The following TEX36 variants were observed in gnomAD, a reference collection of about 807,000 sequenced individuals.
TEX36 encodes testis-expressed protein 36.
Under a neutral mutation model 13.6 loss-of-function variants are expected in TEX36, and 12 were observed. The observed-to-expected ratio is 0.88, with a 90% CI of 0.56 to 1.43. The LOEUF is 1.43. Among genes scored for constraint, TEX36 ranks in the 40% most tolerant of loss-of-function variants. The pLI is 0.00. For missense variants in TEX36, 224 were observed against 228.3 expected (o/e 0.98, Z 0.12); for synonymous variants, 93 against 83.0 (o/e 1.12, Z -0.65).
chr10:125,597,506 G>C (rs942513881), intron 3 of TEX36, among the ~76,000 whole-genome samples: 1 of 152,240 alleles, frequency 6.6e-6, no homozygotes, highest in Non-Finnish European at 1.5e-5. Flanking sequence ...GAAAGCAGAA[G>C]TTATGGGAAA....
intron 3 of TEX36, among the ~76,000 whole-genome samples, chr10:125,629,093 G>C (rs964068145): frequency 2.0e-5 from 3 of 152,142 alleles, no homozygotes; most frequent in African/African-American, 7.2e-5. Flanking sequence ...CGGAATTTGT[G>C]CAGGGCAAAT....
At chr10:125,615,234 A>G (rs1846341327) in intron 3 of TEX36, among the ~76,000 whole-genome samples, 1 of 151,956 alleles carries the variant, frequency 6.6e-6, no homozygotes, top group Non-Finnish European at 1.5e-5. Flanking sequence ...GCAAACAGGG[A>G]CAATTTGACT....
At chr10:125,628,861 G>C (rs546155155) in intron 3 of TEX36, among the ~76,000 whole-genome samples, 30 of 152,318 alleles carry the variant, frequency 2.0e-4, no homozygotes, top group African/African-American at 6.5e-4. Context: ...GCTGTGGTAG[G>C]GGGGACAGAA....
chr10:125,662,175 G>A (rs945655983), intron 1 of TEX36, among the ~76,000 whole-genome samples, 198 bp from the exon 2 acceptor site: 3 of 152,206 alleles, frequency 2.0e-5, no homozygotes, highest in Non-Finnish European at 4.4e-5. Context: ...CATCACTGCC[G>A]GTTGTTTCAA....
chr10:125,577,370 C>T (rs910477702), intron 3 of TEX36, among the ~76,000 whole-genome samples: 5 of 152,132 alleles, frequency 3.3e-5, no homozygotes, highest in Non-Finnish European at 5.9e-5. Context: ...TGTTGGCGCA[C>T]GCCTGTAATC....
In TEX36 at chr10:125,603,512, A is replaced by T. The variant is rs1589750439; in HGVS notation, c.265-26638T>A. ...CAGCCCCCAGGAGAACTTGTTGACG[A>T]ACCTTATACTGCACAGTGGTCACAG... On this transcript the variant is annotated intron_variant, in intron 3 of 3. Coordinates refer to the TEX36 transcript ENST00000532135. 2.6e-5 allele frequency among the ~76,000 whole-genome samples: 4 copies of T among 152,204 alleles called. No homozygotes were observed. The Middle Eastern group carries it at 0.01, about 388-fold the overall frequency.
At chr10:125,674,705 G>C (rs948728151) in intron 1 of TEX36, among the ~76,000 whole-genome samples, 3 of 152,200 alleles carry the variant, frequency 2.0e-5, no homozygotes, top group Admixed American at 6.5e-5. Flanking sequence ...CAGTTTGCTG[G>C]AGGTCCATTC....
chr10:125,584,489 G>GA (rs1845919606), intron 3 of TEX36, among the ~76,000 whole-genome samples: 1 of 152,188 alleles, frequency 6.6e-6, no homozygotes, highest in Non-Finnish European at 1.5e-5. Context: ...TTACAAGGAT[G>GA]AAAACATTGA....
chr10:125,667,291 T>C (rs780262096), intron 1 of TEX36: 1 of 630,830 alleles, frequency 1.6e-6, no homozygotes, highest in Non-Finnish European at 3.0e-6. Context: ...GATAGATGTG[T>C]TGATCACTCA....
intron 3 of TEX36, among the ~76,000 whole-genome samples, chr10:125,645,085 C>T (rs954880246): frequency 1.4e-4 from 21 of 152,196 alleles, no homozygotes; most frequent in African/African-American, 5.1e-4. Context: ...GATGAGAGTG[C>T]ACCTCGATTT....
intron 1 of TEX36, chr10:125,666,947 TC>T: frequency 1.3e-6 from 1 of 794,648 alleles, no homozygotes; most frequent in East Asian, 2.9e-5. Context: ...GGGTGTACTT[TC>T]CTTGACAGGC....
chr10:125,678,817 G>A (rs1284374308), intron 1 of TEX36, among the ~76,000 whole-genome samples: 6 of 152,186 alleles, frequency 3.9e-5, no homozygotes, highest in Admixed American at 3.3e-4. Context: ...GCTCAAGGAC[G>A]TGAGGCTCTG....
intron 3 of TEX36, among the ~76,000 whole-genome samples, chr10:125,624,230 A>G (rs1846459705): frequency 6.6e-6 from 1 of 152,206 alleles, no homozygotes; most frequent in Admixed American, 6.5e-5. Context: ...CCTCCCTGCC[A>G]TTCACTATCC....
At chr10:125,633,955 C>T (rs933089484) in intron 3 of TEX36, among the ~76,000 whole-genome samples, 1 of 152,096 alleles carries the variant, frequency 6.6e-6, no homozygotes, top group Admixed American at 6.6e-5. Context: ...AGTACCCACC[C>T]CTCTGCCTCT....
At chr10:125,590,105 C>T (rs889376693) in intron 3 of TEX36, among the ~76,000 whole-genome samples, 2 of 152,136 alleles carry the variant, frequency 1.3e-5, no homozygotes, top group East Asian at 1.9e-4. Flanking sequence ...GCCTCATTCT[C>T]TCTCTCACTT....
At chr10:125,656,786 G>A (rs886651982) in intron 3 of TEX36, among the ~76,000 whole-genome samples, 2 of 151,974 alleles carry the variant, frequency 1.3e-5, no homozygotes, top group African/African-American at 4.8e-5. Flanking sequence ...AGACAATCCA[G>A]CCAGAAACAG....
At chr10:125,629,275 TG>T (rs1282239385) in intron 3 of TEX36, among the ~76,000 whole-genome samples, 2 of 152,172 alleles carry the variant, frequency 1.3e-5, no homozygotes, top group African/African-American at 4.8e-5. Context: ...TGAGATATTT[TG>T]AAAAAACAAT....
chr10:125,623,250 A>C (rs1448739056), intron 3 of TEX36, among the ~76,000 whole-genome samples: 1 of 152,178 alleles, frequency 6.6e-6, no homozygotes, highest in Non-Finnish European at 1.5e-5. Context: ...AGAATAGTGA[A>C]TTCCATGAGC....
intron 3 of TEX36, among the ~76,000 whole-genome samples, chr10:125,579,234 T>C (rs1845858252): frequency 6.6e-6 from 1 of 152,240 alleles, no homozygotes; most frequent in South Asian, 2.1e-4. Flanking sequence ...CTTGATTCAC[T>C]GTTCCTTATG....
Sources: gnomAD v4.1 joint callset for allele counts (sites outside exome capture counted in the v4.1 genomes callset) on GRCh38, gnomAD v4.1.1 for gene constraint, MANE v1.5 for transcripts, NCBI Gene and HGNC (gene_info 2026-07-23, HGNC 2026-07-21) for gene names.